The following ZDHHC7 variants were observed in gnomAD, a reference collection of about 807,000 sequenced individuals.
ZDHHC7 encodes zDHHC palmitoyltransferase 7, also known as palmitoyltransferase ZDHHC7.
A neutral mutation model predicts 34.1 loss-of-function variants in ZDHHC7; 12 were observed. The ratio of observed to expected loss-of-function variants is 0.35; its 90% CI spans 0.23 to 0.57. The LOEUF is 0.57. ZDHHC7 is among the 20% of genes least tolerant of loss of function. ZDHHC7 has a pLI of 0.84. For missense variants in ZDHHC7, 388 were observed against 402.7 expected (o/e 0.96, Z 0.31); for synonymous variants, 185 against 155.4 (o/e 1.19, Z -1.42).
At chr16:85,010,336 C>T (rs1875248) in intron 1 of ZDHHC7, among the ~76,000 whole-genome samples, 26,652 of 152,012 alleles carry the variant, frequency 0.18, 2,445 homozygotes, top group African/African-American at 0.22. Context: ...TACCAGGCCA[C>T]AAAGTGACTA....
At chr16:84,977,307 GGGCCAGCCCCT>G (rs1286065910) in intron 6 of ZDHHC7, 82 bp from the exon 7 acceptor site, 1 of 1,549,818 alleles carries the variant, frequency 6.5e-7, no homozygotes, top group Non-Finnish European at 8.7e-7. Context: ...GAATCCTCTA[GGGCCAGCCCCT>G]GGCCAGCTTC....
At chr16:85,010,938 A>G (rs944673270) in intron 1 of ZDHHC7, among the ~76,000 whole-genome samples, 6 of 152,248 alleles carry the variant, frequency 3.9e-5, no homozygotes, top group African/African-American at 1.4e-4. Context: ...AAAACTCTTT[A>G]CAGCTTACAC....
At position 84,975,086 on chromosome 16, in the gene ZDHHC7, C is replaced by T. The variant is rs539995664; in HGVS notation, c.*1257G>A. The T allele has an allele frequency of 1.3e-5, 2 of 152,788 alleles. No individual in the cohort carries two copies. The highest frequency in any genetic ancestry group is 6.5e-5 in the Admixed American group (1 of 15,302). The allele number at this position is 152,788 out of a possible 1,614,324, so 9.5% of individuals were successfully genotyped here. On this transcript the variant is annotated 3_prime_UTR_variant, in exon 8 of 8. Coordinates refer to ENST00000313732, the MANE Select transcript of ZDHHC7 (RefSeq NM_017740.3). ...CAGGCAAGTTTAAGGCAAGGCCCCA[C>T]GAGGGGAGCTGTTGGCTTTCTGGCA... is the stretch of plus-strand genomic sequence containing the variant.
At chr16:85,016,843 A>G in the ZDHHC7 span, among the ~76,000 whole-genome samples, 1 of 152,186 alleles carries the variant, frequency 6.6e-6, no homozygotes, top group Non-Finnish European at 1.5e-5. Context: ...TCTCAACGGA[A>G]GTGATATGTG....
chr16:84,978,229 C>T (rs2072323679), intron 5 of ZDHHC7: 1 of 392,488 alleles, frequency 2.5e-6, no homozygotes, highest in Non-Finnish European at 4.6e-6. Flanking sequence ...GATGGGGTTT[C>T]ACCATGTTGG....
chr16:84,980,542 C>A (rs1280690860), intron 4 of ZDHHC7, among the ~76,000 whole-genome samples: 1 of 151,758 alleles, frequency 6.6e-6, no homozygotes, highest in Non-Finnish European at 1.5e-5. Flanking sequence ...TGGTGGCGGG[C>A]GCCTGTAATC....
At chr16:84,989,505 G>A (rs546216633) in intron 3 of ZDHHC7, among the ~76,000 whole-genome samples, 1 of 152,194 alleles carries the variant, frequency 6.6e-6, no homozygotes, top group East Asian at 1.9e-4. Flanking sequence ...AGACCAGCCT[G>A]ATCAACATGG....
At chr16:85,004,239 C>T (rs1038158249) in intron 1 of ZDHHC7, among the ~76,000 whole-genome samples, 5 of 151,962 alleles carry the variant, frequency 3.3e-5, no homozygotes, top group African/African-American at 1.2e-4. Context: ...CCCACCTCTC[C>T]ACATCTAGCT....
chr16:84,978,134 C>T, intron 5 of ZDHHC7, 129 bp from the exon 6 acceptor site: 1 of 609,600 alleles, frequency 1.6e-6, no homozygotes, highest in Admixed American at 3.2e-5. Flanking sequence ...GCCTGCCAGA[C>T]TCAAGCGATT....
At chr16:85,011,018 G>A (rs1251257261) in intron 1 of ZDHHC7, among the ~76,000 whole-genome samples, 3 of 152,266 alleles carry the variant, frequency 2.0e-5, no homozygotes, top group Non-Finnish European at 4.4e-5. Flanking sequence ...TCGGAGAGCT[G>A]AGTGTCACGC....
rs575212220 is a variant in ZDHHC7 at position 85,008,079 on chromosome 16, G to A, written c.-104+3207C>T. Among the ~76,000 whole-genome samples, 12 of 152,134 alleles carry A rather than the reference G, an allele frequency of 7.9e-5. No individual in the cohort carries two copies. In the South Asian group the frequency reaches 1.5e-3, roughly 18 times the overall value. On this transcript the variant is annotated intron_variant, in intron 1 of 7. Transcript: ENST00000313732. ...TGTAGTGAGCCATGATTGTGCCACCGCACTCCAGCCTGGGCAAAAGAGCAA... is the reference window on the plus strand; with the variant it reads ...TGTAGTGAGCCATGATTGTGCCACCACACTCCAGCCTGGGCAAAAGAGCAA...
chr16:84,978,504 CG>C (rs1279829369), intron 5 of ZDHHC7, among the ~76,000 whole-genome samples: 25 of 151,024 alleles, frequency 1.7e-4, no homozygotes, highest in African/African-American at 5.8e-4. Context: ...GAGGCCAAGA[CG>C]GGCAGATGGC....
chr16:85,023,158 TCTTTC>T, the ZDHHC7 span, among the ~76,000 whole-genome samples: 1 of 151,476 alleles, frequency 6.6e-6, no homozygotes, highest in Non-Finnish European at 1.5e-5. Context: ...GGTTTTCTTT[TCTTTC>T]TTTTCTTTTT....
upstream of ZDHHC7, among the ~76,000 whole-genome samples, chr16:85,014,000 G>T (rs1005791200): frequency 2.0e-5 from 3 of 152,096 alleles, no homozygotes; most frequent in Non-Finnish European, 2.9e-5. Flanking sequence ...ATTTGTCTTT[G>T]TTACAGGGAC....
At chr16:84,983,091 G>C (rs1322935067) in intron 3 of ZDHHC7, among the ~76,000 whole-genome samples, 1 of 152,222 alleles carries the variant, frequency 6.6e-6, no homozygotes, top group African/African-American at 2.4e-5. Flanking sequence ...AATGCCTCAA[G>C]AAGAGGAACA....
the ZDHHC7 span, among the ~76,000 whole-genome samples, chr16:85,016,654 G>A: frequency 1.2e-3 from 176 of 151,014 alleles, no homozygotes; most frequent in African/African-American, 4.1e-3. Flanking sequence ...GAGGGTGATG[G>A]CCATGTTCTC....
chr16:85,004,351 T>G (rs904664312), intron 1 of ZDHHC7, among the ~76,000 whole-genome samples: 1 of 151,978 alleles, frequency 6.6e-6, no homozygotes, highest in East Asian at 1.9e-4. Flanking sequence ...AGCTCTCACC[T>G]GGGGAGTGCT....
the ZDHHC7 span, among the ~76,000 whole-genome samples, chr16:85,021,147 C>T: frequency 1.3e-5 from 2 of 151,982 alleles, no homozygotes; most frequent in Admixed American, 6.6e-5. Context: ...TGCACAGTGG[C>T]TCACACCTGT....
At chr16:85,020,777 C>G in the ZDHHC7 span, among the ~76,000 whole-genome samples, 13 of 152,190 alleles carry the variant, frequency 8.5e-5, no homozygotes, top group Admixed American at 2.6e-4. Context: ...CAGAGGAAAG[C>G]CACTGAAGGA....
Sources: allele counts gnomAD v4.1 joint callset (sites outside exome capture counted in the v4.1 genomes callset), GRCh38; gene constraint gnomAD v4.1.1; transcripts MANE v1.5; gene names NCBI Gene and HGNC (gene_info 2026-07-23, HGNC 2026-07-21).